IQCB1: variants seen among roughly 807,000 people sequenced by gnomAD.
IQCB1 encodes IQ motif containing B1.
Under a neutral mutation model 84.4 loss-of-function variants are expected in IQCB1, and 56 were observed. The ratio of observed to expected loss-of-function variants is 0.66; its 90% CI spans 0.54 to 0.83. The LOEUF (loss-of-function observed/expected upper bound fraction) is 0.83. Ranked by LOEUF, IQCB1 falls within the 40% of genes least tolerant of loss-of-function variation. The pLI, the probability that IQCB1 is intolerant of heterozygous loss-of-function variation, is 0.00. For synonymous variants in IQCB1, 210 were observed against 234.8 expected, an observed-to-expected ratio of 0.89 and a Z score of 0.96; for missense variants, 629 against 682.1, an observed-to-expected ratio of 0.92 and a Z score of 0.87.
chr3:121,784,011 T>A (rs1365494186), intron 12 of IQCB1, among the ~76,000 whole-genome samples: 1 of 152,206 alleles, frequency 6.6e-6, no homozygotes, highest in East Asian at 1.9e-4. Flanking sequence ...ATGAAACAAA[T>A]GTAGAAGTGT....
chr3:121,771,014 C>T (rs966288745), intron 14 of IQCB1, among the ~76,000 whole-genome samples: 1 of 152,076 alleles, frequency 6.6e-6, no homozygotes, highest in Non-Finnish European at 1.5e-5. Context: ...TCTTGTTGCC[C>T]AGGCTGGAAT....
intron 7 of IQCB1, among the ~76,000 whole-genome samples, chr3:121,803,242 G>C (rs945381023): frequency 3.3e-5 from 5 of 152,082 alleles, no homozygotes; most frequent in African/African-American, 4.8e-5. Context: ...TTTTTGTAGA[G>C]ATGGGGTTTT....
chr3:121,794,702 T>C (rs1331171160), intron 10 of IQCB1, among the ~76,000 whole-genome samples: 1 of 152,126 alleles, frequency 6.6e-6, no homozygotes, highest in Non-Finnish European at 1.5e-5. Flanking sequence ...TGTGACTACA[T>C]AGTATTTTGA....
At chr3:121,784,964 C>T (rs1177055049) in intron 12 of IQCB1, among the ~76,000 whole-genome samples, 2 of 152,152 alleles carry the variant, frequency 1.3e-5, no homozygotes, top group East Asian at 1.9e-4. Flanking sequence ...CATGAGTCAC[C>T]GTGCCCGGCC....
intron 13 of IQCB1, among the ~76,000 whole-genome samples, chr3:121,776,808 C>T (rs1489097189): frequency 6.6e-6 from 1 of 152,112 alleles, no homozygotes; most frequent in Non-Finnish European, 1.5e-5. Context: ...CTGTTCAAAG[C>T]TTTTGTCCAT....
intron 2 of IQCB1, among the ~76,000 whole-genome samples, chr3:121,833,100 C>T (rs1327959142): frequency 6.6e-6 from 1 of 152,180 alleles, no homozygotes; most frequent in Non-Finnish European, 1.5e-5. Context: ...TGAGGGCAAC[C>T]TACCTATCCC....
At chr3:121,832,916 C>T (rs1042697153) in intron 2 of IQCB1, among the ~76,000 whole-genome samples, 1 of 152,146 alleles carries the variant, frequency 6.6e-6, no homozygotes, top group Non-Finnish European at 1.5e-5. Flanking sequence ...ATAACAGAAA[C>T]AATCTGAAAC....
At chr3:121,781,669 T>G in intron 13 of IQCB1, 74 bp downstream of exon 13, 4 of 1,186,318 alleles carry the variant, frequency 3.4e-6, no homozygotes, top group African/African-American at 1.6e-5. Context: ...ACACAATATA[T>G]GTGTGTGTGT....
At chr3:121,823,572 A>T (rs1339762078) in intron 5 of IQCB1, among the ~76,000 whole-genome samples, 1 of 152,228 alleles carries the variant, frequency 6.6e-6, no homozygotes, top group Non-Finnish European at 1.5e-5. Context: ...GTGCAAAAAG[A>T]GGAAAAAAAA....
At chr3:121,788,938 AG>A (rs1368830347) in intron 11 of IQCB1, among the ~76,000 whole-genome samples, 1 of 152,194 alleles carries the variant, frequency 6.6e-6, no homozygotes, top group Non-Finnish European at 1.5e-5. Context: ...GTTAATAAAA[AG>A]GGGGGCGTAT....
intron 2 of IQCB1, among the ~76,000 whole-genome samples, chr3:121,830,805 G>C (rs1950611348): frequency 6.6e-6 from 1 of 152,094 alleles, no homozygotes; most frequent in African/African-American, 2.4e-5. Flanking sequence ...GACCTATCTT[G>C]TCTAGCTGTA....
intron 5 of IQCB1, among the ~76,000 whole-genome samples, chr3:121,813,013 CAG>C (rs1303530434): frequency 2.6e-5 from 4 of 152,072 alleles, no homozygotes; most frequent in Admixed American, 2.6e-4. Context: ...TAGGGGCAGC[CAG>C]AGAGAAAGGT....
intron 13 of IQCB1, among the ~76,000 whole-genome samples, chr3:121,774,379 C>CA (rs571795361): frequency 3.8e-4 from 58 of 152,190 alleles, no homozygotes; most frequent in African/African-American, 1.3e-3. Context: ...GGCAGTTCCT[C>CA]AAAAAAATTT....
chr3:121,785,353 G>A (rs1948665412), intron 12 of IQCB1, among the ~76,000 whole-genome samples: 1 of 151,792 alleles, frequency 6.6e-6, no homozygotes, highest in South Asian at 2.1e-4. Flanking sequence ...CCCAGGCTCA[G>A]GTGATTTTCC....
intron 13 of IQCB1, among the ~76,000 whole-genome samples, chr3:121,777,134 T>C (rs1948262479): frequency 6.6e-6 from 1 of 152,246 alleles, no homozygotes; most frequent in Non-Finnish European, 1.5e-5. Context: ...ATGATCTACT[T>C]TGAGTTACAT....
intron 5 of IQCB1, among the ~76,000 whole-genome samples, chr3:121,824,220 C>A (rs1364375666): frequency 3.9e-5 from 6 of 152,046 alleles, no homozygotes; most frequent in Non-Finnish European, 5.9e-5. Flanking sequence ...TAGTACTGAA[C>A]CCTATATATA....
intron 13 of IQCB1, among the ~76,000 whole-genome samples, chr3:121,777,046 G>A (rs1948259608): frequency 6.6e-6 from 1 of 152,126 alleles, no homozygotes. Flanking sequence ...TTCTGGTATT[G>A]TATTCAAGAA....
At chr3:121,792,486 C>T (rs1949024751) in intron 10 of IQCB1, among the ~76,000 whole-genome samples, 2 of 147,964 alleles carry the variant, frequency 1.4e-5, no homozygotes, top group African/African-American at 5.0e-5. Flanking sequence ...GGTGAAACCC[C>T]GTCTCTACTA....
chr3:121,822,617 A>G (rs1174459498), intron 5 of IQCB1, among the ~76,000 whole-genome samples: 1 of 152,206 alleles, frequency 6.6e-6, no homozygotes, highest in Non-Finnish European at 1.5e-5. Flanking sequence ...TGCTGGGTAT[A>G]CAGAGTTTGG....
Sources: gnomAD v4.1 joint callset for allele counts (sites outside exome capture counted in the v4.1 genomes callset) on GRCh38, gnomAD v4.1.1 for gene constraint, MANE v1.5 for transcripts, NCBI Gene and HGNC (gene_info 2026-07-23, HGNC 2026-07-21) for gene names.